Variants in MECOM observed in about 807,000 individuals in gnomAD.
MECOM encodes the protein MDS1 and EVI1 complex locus, also known as histone-lysine N-methyltransferase MECOM.
Under a neutral mutation model 116.3 loss-of-function variants are expected in MECOM, and 13 were observed. The ratio of observed to expected loss-of-function variants is 0.11; its 90% CI spans 0.07 to 0.18. MECOM has a LOEUF of 0.18. Among genes scored for constraint, MECOM ranks in the 10% least tolerant of loss-of-function variants. The pLI, the probability that MECOM is intolerant of heterozygous loss-of-function variation, is 1.00. For missense variants in MECOM, 1,299 were observed against 1,509.0 expected, an observed-to-expected ratio of 0.86 and a Z score of 2.31; for synonymous variants, 528 against 535.2, an observed-to-expected ratio of 0.99 and a Z score of 0.19.
At chr3:169,642,649 G>C (rs1773642564) in intron 1 of MECOM, among the ~76,000 whole-genome samples, 1 of 151,690 alleles carries the variant, frequency 6.6e-6, no homozygotes, top group Non-Finnish European at 1.5e-5. Context: ...ACACTGAGTT[G>C]CCAAATTATC....
At chr3:169,578,105 G>A (rs1166515595) in intron 1 of MECOM, among the ~76,000 whole-genome samples, 2 of 152,134 alleles carry the variant, frequency 1.3e-5, no homozygotes, top group African/African-American at 2.4e-5. Flanking sequence ...ATAACTAACT[G>A]CTATAAATTA....
At chr3:169,396,725 C>T (rs764265298) in intron 1 of MECOM, among the ~76,000 whole-genome samples, 1 of 152,124 alleles carries the variant, frequency 6.6e-6, no homozygotes. Context: ...AATCCCAGCA[C>T]TTTGGGAGGC....
At chr3:169,106,568 T>C (rs1725514411) in intron 10 of MECOM, among the ~76,000 whole-genome samples, 1 of 152,116 alleles carries the variant, frequency 6.6e-6, no homozygotes, top group Non-Finnish European at 1.5e-5. Flanking sequence ...CTCAATGGAA[T>C]GGGAATGTTT....
chr3:169,190,896 A>G (rs1747432905), intron 2 of MECOM, among the ~76,000 whole-genome samples: 1 of 152,036 alleles, frequency 6.6e-6, no homozygotes, highest in South Asian at 2.1e-4. Context: ...TGGGCCAATT[A>G]TGTTGTATAT....
intron 1 of MECOM, among the ~76,000 whole-genome samples, chr3:169,468,410 C>T (rs919403640): frequency 1.3e-5 from 2 of 152,152 alleles, no homozygotes; most frequent in Non-Finnish European, 2.9e-5. Context: ...TGTAATTAAA[C>T]AATTAATTGT....
chr3:169,650,095 C>T (rs1409274796), intron 1 of MECOM, among the ~76,000 whole-genome samples: 1 of 152,204 alleles, frequency 6.6e-6, no homozygotes, highest in Non-Finnish European at 1.5e-5. Context: ...AACTTATAAT[C>T]AAAAACTGGA....
chr3:169,231,549 T>C (rs770469840), intron 2 of MECOM, among the ~76,000 whole-genome samples: 1 of 152,174 alleles, frequency 6.6e-6, no homozygotes, highest in Non-Finnish European at 1.5e-5. Flanking sequence ...TAGTCAGCTG[T>C]AGTCAGAGAA....
At chr3:169,212,633 AATGTATATATAT>A (rs59854553) in intron 2 of MECOM, among the ~76,000 whole-genome samples, 4,900 of 85,430 alleles carry the variant, frequency 0.057, 707 homozygotes, top group Middle Eastern at 0.13. Context: ...TCTAGTCAGC[AATGTATATATAT>A]ATATATATAT....
intron 2 of MECOM, among the ~76,000 whole-genome samples, chr3:169,273,252 A>T (rs1478156562): frequency 1.3e-5 from 2 of 152,174 alleles, no homozygotes; most frequent in East Asian, 3.9e-4. Context: ...AATACACTAT[A>T]TGATTTTGTA....
At chr3:169,429,620 A>G (rs975518768) in intron 1 of MECOM, among the ~76,000 whole-genome samples, 13 of 152,222 alleles carry the variant, frequency 8.5e-5, no homozygotes, top group Non-Finnish European at 1.6e-4. Context: ...CTCTAGAAAT[A>G]TCCTAACTCA....
At chr3:169,196,776 CA>C (rs1748459909) in intron 2 of MECOM, among the ~76,000 whole-genome samples, 1 of 152,002 alleles carries the variant, frequency 6.6e-6, no homozygotes, top group Admixed American at 6.6e-5. Context: ...GAACTTGAAA[CA>C]GAACTACCAT....
At chr3:169,535,130 G>A (rs733507) in intron 1 of MECOM, among the ~76,000 whole-genome samples, 47,525 of 151,916 alleles carry the variant, frequency 0.31, 7,631 homozygotes, top group Non-Finnish European at 0.33. Context: ...TATCTAAGCC[G>A]CTGCCAGCCT....
At chr3:169,496,925 C>G (rs1382917975) in intron 1 of MECOM, among the ~76,000 whole-genome samples, 1 of 152,188 alleles carries the variant, frequency 6.6e-6, no homozygotes, top group Non-Finnish European at 1.5e-5. Context: ...AGATTATATT[C>G]AGTAAACACA....
chr3:169,226,613 CA>C (rs1340098241), intron 2 of MECOM, among the ~76,000 whole-genome samples: 1 of 152,144 alleles, frequency 6.6e-6, no homozygotes, highest in Non-Finnish European at 1.5e-5. Context: ...AAACCAACAC[CA>C]TAACACGGAA....
At chr3:169,154,194 A>G (rs1054996103) in intron 2 of MECOM, among the ~76,000 whole-genome samples, 2 of 152,128 alleles carry the variant, frequency 1.3e-5, no homozygotes, top group Middle Eastern at 3.2e-3. Flanking sequence ...GTGGAATACC[A>G]TTGAGTTCCA....
intron 1 of MECOM, among the ~76,000 whole-genome samples, chr3:169,482,069 G>A (rs1213482456): frequency 6.6e-6 from 1 of 152,012 alleles, no homozygotes. Context: ...AACACTTCAT[G>A]CATAGATATC....
intron 2 of MECOM, among the ~76,000 whole-genome samples, chr3:169,217,233 T>C (rs1751527649): frequency 6.6e-6 from 1 of 152,180 alleles, no homozygotes; most frequent in Non-Finnish European, 1.5e-5. Flanking sequence ...ACCTCTTGCC[T>C]GCATACATGA....
At chr3:169,236,366 G>A (rs75326313) in intron 2 of MECOM, among the ~76,000 whole-genome samples, 2,513 of 152,190 alleles carry the variant, frequency 0.017, 36 homozygotes, top group Non-Finnish European at 0.02. Context: ...CTTTCTCTTC[G>A]AGTGTTGCAA....
intron 2 of MECOM, among the ~76,000 whole-genome samples, chr3:169,292,394 G>A (rs1714744402): frequency 6.6e-6 from 1 of 152,104 alleles, no homozygotes; most frequent in Admixed American, 6.6e-5. Flanking sequence ...GATAGATGAT[G>A]AAGCAAGATC....
Sources: gnomAD v4.1 joint callset for allele counts (sites outside exome capture counted in the v4.1 genomes callset) on GRCh38, gnomAD v4.1.1 for gene constraint, MANE v1.5 for transcripts, NCBI Gene and HGNC (gene_info 2026-07-23, HGNC 2026-07-21) for gene names.